ARHGEF18: variants seen among roughly 807,000 people sequenced by gnomAD.
The protein encoded by ARHGEF18 is Rho/Rac guanine nucleotide exchange factor 18, also known as rho guanine nucleotide exchange factor 18.
In ARHGEF18, 93 loss-of-function variants were observed where a neutral mutation model predicts 155.7. The ratio of observed to expected loss-of-function variants is 0.60; its 90% CI spans 0.50 to 0.71. The LOEUF is 0.71. Ranked by LOEUF, ARHGEF18 falls within the 30% of genes least tolerant of loss-of-function variation. ARHGEF18 has a pLI of 0.00. For missense variants in ARHGEF18, 1,593 were observed against 1,816.1 expected, an observed-to-expected ratio of 0.88 and a Z score of 2.23; for synonymous variants, 742 against 753.1, an observed-to-expected ratio of 0.99 and a Z score of 0.24.
At chr19:7,415,715 C>G (rs1015386436) in intron 10 of ARHGEF18, among the ~76,000 whole-genome samples, 1 of 151,976 alleles carries the variant, frequency 6.6e-6, no homozygotes, top group Non-Finnish European at 1.5e-5. Context: ...TGACAGGCCT[C>G]GTGCCAGCCA....
Position 7,440,521 on chromosome 19 carries a change from G to A in ARHGEF18, c.1106+39G>A. The A allele has an allele frequency of 6.4e-7, 1 of 1,561,526 alleles. No individual in the cohort carries two copies. The highest frequency in any genetic ancestry group is 8.6e-7 in the Non-Finnish European group (1 of 1,159,050). On this transcript the variant is annotated intron_variant, in intron 11 of 28. Coordinates refer to ENST00000668164, the MANE Select transcript of ARHGEF18 (RefSeq NM_001367823.1). The surrounding 1 kb of genome is among the most constrained non-coding windows in gnomAD (Gnocchi z 5.4). Reference sequence around the variant, plus strand: ...CCCTCTGTGCCCTCGGGTGGGTGGTGGCATTCCCCGGGGAGCTGTTGACAG... The same window carrying A: ...CCCTCTGTGCCCTCGGGTGGGTGGTAGCATTCCCCGGGGAGCTGTTGACAG...
chr19:7,446,905 AAAAAAAGAAG>A, intron 14 of ARHGEF18, 128 bp from the exon 15 acceptor site: 4 of 1,199,010 alleles, frequency 3.3e-6, no homozygotes, highest in Non-Finnish European at 3.4e-6. Context: ...CAAAAAAAAA[AAAAAAAGAAG>A]AAGAAAGAAA....
At chr19:7,402,955 T>C (rs1299191031) in intron 10 of ARHGEF18, among the ~76,000 whole-genome samples, 1 of 152,180 alleles carries the variant, frequency 6.6e-6, no homozygotes, top group Admixed American at 6.6e-5. Flanking sequence ...AATTTAAAAT[T>C]GGGATAATGT....
intron 10 of ARHGEF18, among the ~76,000 whole-genome samples, chr19:7,389,737 G>A (rs973289897): frequency 2.0e-5 from 3 of 151,518 alleles, no homozygotes; most frequent in Non-Finnish European, 4.4e-5. Context: ...GTTTCGCCGT[G>A]TTGGCCAGGC....
At chr19:7,439,620 C>G (rs1974496357) in intron 10 of ARHGEF18, 1 of 1,043,022 alleles carries the variant, frequency 9.6e-7, no homozygotes, top group African/African-American at 1.7e-5. Flanking sequence ...CCATATGGAA[C>G]AGAATCGGAG....
At chr19:7,425,639 G>A (rs887200432) in intron 10 of ARHGEF18, among the ~76,000 whole-genome samples, 28 of 146,588 alleles carry the variant, frequency 1.9e-4, no homozygotes, top group Non-Finnish European at 3.6e-4. Flanking sequence ...CTGAGATAGC[G>A]CCACTGCACT....
In ARHGEF18 at chr19:7,419,289, C is replaced by T. The variant is rs1026800319; in HGVS notation, c.968-21055C>T. 7.2e-4 allele frequency among the ~76,000 whole-genome samples: 83 copies of T among 115,354 alleles called. 2 individuals carry two copies. The highest frequency in any genetic ancestry group is 6.0e-4 in the African/African-American group (10 of 16,578). 75.7% of individuals were successfully genotyped at this position (115,354 alleles called of 152,430 possible). ...CCCAGGTGTGCCCACACTCGGCCCC[C>T]GCACCTGGGTGTGCCCACACTTGGC... On this transcript the variant is annotated intron_variant, in intron 10 of 28. Coordinates refer to ENST00000668164, the MANE Select transcript of ARHGEF18 (RefSeq NM_001367823.1).
At chr19:7,419,094 T>C (rs1201361337) in intron 10 of ARHGEF18, among the ~76,000 whole-genome samples, 2 of 122,352 alleles carry the variant, frequency 1.6e-5, no homozygotes, top group Non-Finnish European at 3.3e-5. Context: ...TACCCTGATG[T>C]ACCCACACTT....
chr19:7,465,244 A>G (rs894865600), intron 23 of ARHGEF18, among the ~76,000 whole-genome samples: 4 of 152,078 alleles, frequency 2.6e-5, no homozygotes, highest in Non-Finnish European at 5.9e-5. Context: ...CCAGATTTGT[A>G]CAAGTCAGCT....
chr19:7,467,023 G>A, intron 24 of ARHGEF18, 48 bp from the exon 25 acceptor site: 2 of 1,612,300 alleles, frequency 1.2e-6, no homozygotes, highest in African/African-American at 1.3e-5. Context: ...GCACGCGCGT[G>A]TGGCCTCAGC....
Position 7,464,656 on chromosome 19 carries a change from A to C in ARHGEF18, c.2870A>C (p.Asp957Ala), listed in dbSNP as rs1308902870. Residue 957 changes from aspartate to alanine, a missense_variant, in exon 23 of 29, where the codon GAC becomes GCC. Asp to Ala is a moderately radical substitution (Grantham distance 126). Transcript: ENST00000668164. ...CCGGACTTGAAGCTCAGTGACAGTG[A>C]CATTCCTGGGAGCTCTGAGGAATCG... ...NSPDLKLSDS[D>A]IPGSSEESPQ... 6.2e-7 allele frequency: 1 copy of C among 1,613,892 alleles called. No individual in the cohort carries two copies. Among genetic ancestry groups the C allele is most frequent in the Admixed American group, 1.7e-5 (1 of 59,992 alleles).
chr19:7,470,207 T>A lies in ARHGEF18; in HGVS notation c.3995T>A (p.Leu1332His), dbSNP rs148104937. ...GFSLKAGGTA[L>H]LPGPPAPSPL... is the part of the protein sequence containing the mutation. ...TCTCTCAAGGCCGGGGGCACAGCCC[T>A]CCTGCCCGGGCCCCCAGCTCCCTCG... The change falls in exon 29 of 29, where the codon CTC becomes CAC. Residue 1332 changes from leucine (L) to histidine (H), a missense_variant. Leu to His is a moderately conservative substitution (Grantham distance 99). Coordinates refer to ENST00000668164, the MANE Select transcript of ARHGEF18 (RefSeq NM_001367823.1). This position sits in a 1 kb window ranked among gnomAD's most constrained non-coding sequence, Gnocchi z 5.9. 25 of 1,610,230 alleles carry A rather than the reference T, an allele frequency of 1.6e-5. No homozygotes were observed. The highest frequency in any genetic ancestry group is 2.0e-5 in the Non-Finnish European group (23 of 1,178,846).
At position 7,468,812 on chromosome 19, in the gene ARHGEF18, G is replaced by A. The variant is rs914780714; in HGVS notation, c.3481-13G>A. 1 of 1,532,334 alleles carries A rather than the reference G, an allele frequency of 6.5e-7. No homozygotes were observed. The highest frequency in any genetic ancestry group is 1.4e-5 in the African/African-American group (1 of 73,088). The allele number at this position is 1,532,334 out of a possible 1,614,324, so 94.9% of individuals were successfully genotyped here. ...GAACCTCACATTGGATGTATCTGCT[G>A]TTGTCCCCTCAGGCCCAGCCCCCAA... On this transcript the variant is annotated splice_polypyrimidine_tract_variant and intron_variant, in intron 26 of 28. Transcript: ENST00000668164.
At position 7,447,101 on chromosome 19, in the gene ARHGEF18, A is replaced by C; in HGVS notation, c.1670A>C (p.His557Pro). 6.2e-7 allele frequency: 1 copy of C among 1,613,980 alleles called. No homozygotes were observed. Among genetic ancestry groups the C allele is most frequent in the Non-Finnish European group, 8.5e-7 (1 of 1,179,964 alleles). Reference protein sequence around the residue: ...KEKYGVFCSGHNEAVSHYKLL... With the variant: ...KEKYGVFCSGPNEAVSHYKLL... ...AAGTACGGTGTGTTTTGTAGTGGCC[A>C]CAATGAAGCTGTTAGTCATTACAAG... Residue 557 changes from histidine to proline, a missense_variant, in exon 15 of 29, where the codon CAC becomes CCC. Physicochemically the swap from His to Pro is moderately conservative, Grantham distance 77. Transcript: ENST00000668164.
At chr19:7,385,827 C>A (rs1568285643) in intron 10 of ARHGEF18, among the ~76,000 whole-genome samples, 1 of 115,932 alleles carries the variant, frequency 8.6e-6, no homozygotes, top group African/African-American at 4.9e-5. Flanking sequence ...GGATCTATCT[C>A]TCTCTATCTC....
intron 1 of ARHGEF18, among the ~76,000 whole-genome samples, chr19:7,356,763 C>T (rs563273886): frequency 2.0e-5 from 3 of 152,264 alleles, no homozygotes; most frequent in African/African-American, 7.2e-5. Context: ...TCAGGCCAGC[C>T]GCATCGCTTA....
Position 7,470,538 on chromosome 19 carries a change from A to T in ARHGEF18, c.*240A>T, listed in dbSNP as rs769364225. The T allele has an allele frequency of 4.2e-5, 17 of 405,554 alleles. No individual in the cohort carries two copies. The highest frequency in any genetic ancestry group is 6.0e-5 in the Non-Finnish European group (14 of 234,712). The allele number at this position is 405,554 out of a possible 1,614,324, so 25.1% of individuals were successfully genotyped here. ...TCTCTTTTTTTTTTTTTCAAAAAGG[A>T]AAGTTTTTAATGGAAAGTTGAGCCA... is the stretch of plus-strand genomic sequence containing the variant. On this transcript the variant is annotated 3_prime_UTR_variant, in exon 29 of 29. Transcript: ENST00000668164. The surrounding 1 kb of genome is among the most constrained non-coding windows in gnomAD (Gnocchi z 5.9).
chr19:7,373,789 AGT>A (rs1345270885), intron 3 of ARHGEF18, among the ~76,000 whole-genome samples: 4 of 149,666 alleles, frequency 2.7e-5, no homozygotes, highest in African/African-American at 9.9e-5. Flanking sequence ...TCTCATAAGG[AGT>A]GTGCAACCTA....
chr19:7,370,025 T>C (rs1970129580), intron 2 of ARHGEF18, among the ~76,000 whole-genome samples: 1 of 151,846 alleles, frequency 6.6e-6, no homozygotes, highest in African/African-American at 2.4e-5. Context: ...GATGAAACCG[T>C]GTCTCTACTG....
Sources: allele counts gnomAD v4.1 joint callset (sites outside exome capture counted in the v4.1 genomes callset), GRCh38; gene constraint gnomAD v4.1.1; non-coding constraint Gnocchi (gnomAD v3.1); transcripts MANE v1.5; gene names NCBI Gene and HGNC (gene_info 2026-07-23, HGNC 2026-07-21).